TCF7L1: variants seen among roughly 807,000 people sequenced by gnomAD.
TCF7L1 encodes transcription factor 7 like 1.
Under a neutral mutation model 63.7 loss-of-function variants are expected in TCF7L1, and 18 were observed. The ratio of observed to expected loss-of-function variants is 0.28; its 90% CI spans 0.20 to 0.42. The LOEUF is 0.42. TCF7L1 is among the 10% of genes least tolerant of loss of function. TCF7L1 has a pLI of 1.00. For synonymous variants in TCF7L1, 355 were observed against 340.9 expected, an observed-to-expected ratio of 1.04 and a Z score of -0.46; for missense variants, 654 against 779.3, an observed-to-expected ratio of 0.84 and a Z score of 1.91.
intron 3 of TCF7L1, among the ~76,000 whole-genome samples, chr2:85,227,436 C>T (rs1679983650): frequency 6.7e-6 from 1 of 150,100 alleles, no homozygotes; most frequent in Admixed American, 6.6e-5. Context: ...GTAATACCCC[C>T]TCTTTTTTTT....
chr2:85,224,814 T>C (rs1407570457), intron 3 of TCF7L1, among the ~76,000 whole-genome samples: 46 of 147,618 alleles, frequency 3.1e-4, no homozygotes, highest in African/African-American at 6.8e-4. Flanking sequence ...TTGGCTTTTG[T>C]TGCCATTGCT....
chr2:85,153,923 G>A (rs1370429090), intron 3 of TCF7L1, among the ~76,000 whole-genome samples: 1 of 152,164 alleles, frequency 6.6e-6, no homozygotes, highest in Non-Finnish European at 1.5e-5. Flanking sequence ...AGACATTTTA[G>A]GTTAACAAGG....
chr2:85,196,435 G>T (rs943734517), intron 3 of TCF7L1, among the ~76,000 whole-genome samples: 5 of 152,196 alleles, frequency 3.3e-5, no homozygotes, highest in African/African-American at 1.2e-4. Context: ...GTGCTGTGCA[G>T]CAGTGATTCT....
chr2:85,221,391 T>A (rs1679837105), intron 3 of TCF7L1, among the ~76,000 whole-genome samples: 2 of 152,240 alleles, frequency 1.3e-5, no homozygotes, highest in Non-Finnish European at 2.9e-5. Flanking sequence ...CCTGTCTTAG[T>A]TCATTTTGTG....
intron 3 of TCF7L1, among the ~76,000 whole-genome samples, chr2:85,146,725 A>G (rs985989000): frequency 1.3e-5 from 2 of 151,870 alleles, no homozygotes; most frequent in African/African-American, 2.4e-5. Context: ...GATGGTCTTG[A>G]TGTTCTGACC....
intron 3 of TCF7L1, among the ~76,000 whole-genome samples, chr2:85,236,608 T>A (rs1680198248): frequency 6.6e-6 from 1 of 152,092 alleles, no homozygotes; most frequent in South Asian, 2.1e-4. Flanking sequence ...ATAAGGTAAG[T>A]CAGGTAATTT....
At chr2:85,248,377 AAC>A (rs1307132310) in intron 3 of TCF7L1, among the ~76,000 whole-genome samples, 1 of 152,156 alleles carries the variant, frequency 6.6e-6, no homozygotes, top group Non-Finnish European at 1.5e-5. Flanking sequence ...CTGCATTTCT[AAC>A]ACAATTCCAC....
intron 3 of TCF7L1, among the ~76,000 whole-genome samples, chr2:85,207,817 T>TTTTG (rs975066562): frequency 1.3e-5 from 2 of 152,156 alleles, no homozygotes; most frequent in Non-Finnish European, 2.9e-5. Context: ...CGTTAGGTGT[T>TTTTG]TTTGCCCAAC....
chr2:85,265,070 A>G (rs570629224), intron 3 of TCF7L1, among the ~76,000 whole-genome samples: 106 of 152,284 alleles, frequency 7.0e-4, no homozygotes, highest in African/African-American at 2.3e-3. Context: ...AGAACCATGA[A>G]CCTGGCACAC....
chr2:85,208,754 G>A (rs1159596357), intron 3 of TCF7L1, among the ~76,000 whole-genome samples: 2 of 152,140 alleles, frequency 1.3e-5, no homozygotes, highest in African/African-American at 2.4e-5. Flanking sequence ...GTGGGAAAAA[G>A]ATATTTATGG....
At chr2:85,191,324 C>G (rs998100437) in intron 3 of TCF7L1, among the ~76,000 whole-genome samples, 2 of 152,180 alleles carry the variant, frequency 1.3e-5, no homozygotes, top group Non-Finnish European at 2.9e-5. Context: ...GGTTTCAAAC[C>G]CTCTGGTCCC....
intron 3 of TCF7L1, among the ~76,000 whole-genome samples, chr2:85,268,889 A>AG (rs1234619268): frequency 2.6e-5 from 4 of 152,090 alleles, no homozygotes; most frequent in Non-Finnish European, 4.4e-5. Flanking sequence ...ACCGACCTGG[A>AG]GGAACGAGTG....
intron 3 of TCF7L1, among the ~76,000 whole-genome samples, chr2:85,158,209 A>G (rs1678195787): frequency 6.6e-6 from 1 of 151,888 alleles, no homozygotes; most frequent in Non-Finnish European, 1.5e-5. Flanking sequence ...CTAGTCCAGG[A>G]CTCCTGCTCT....
chr2:85,192,454 GT>G (rs1228739304), intron 3 of TCF7L1, among the ~76,000 whole-genome samples: 1 of 151,752 alleles, frequency 6.6e-6, no homozygotes, highest in Non-Finnish European at 1.5e-5. Context: ...GTGGTGTGAT[GT>G]TGGCTCACTG....
At chr2:85,186,966 T>A (rs1482379803) in intron 3 of TCF7L1, among the ~76,000 whole-genome samples, 1 of 152,232 alleles carries the variant, frequency 6.6e-6, no homozygotes, top group African/African-American at 2.4e-5. Flanking sequence ...GTGGATACCA[T>A]GTATAAATGT....
At chr2:85,254,693 T>C (rs529565531) in intron 3 of TCF7L1, among the ~76,000 whole-genome samples, 2 of 152,342 alleles carry the variant, frequency 1.3e-5, no homozygotes, top group South Asian at 2.1e-4. Flanking sequence ...CGTTGGGGGC[T>C]CTATTCTCAC....
chr2:85,289,326 T>C (rs1358159690), intron 4 of TCF7L1, among the ~76,000 whole-genome samples: 1 of 152,060 alleles, frequency 6.6e-6, no homozygotes, highest in Non-Finnish European at 1.5e-5. Context: ...TCTGCTGAGT[T>C]ACAGGCAAAT....
At chr2:85,157,882 A>G (rs1033207971) in intron 3 of TCF7L1, among the ~76,000 whole-genome samples, 36 of 152,018 alleles carry the variant, frequency 2.4e-4, no homozygotes, top group African/African-American at 8.7e-4. Context: ...TTCCCTCCTT[A>G]AGGGAGGTCT....
chr2:85,217,418 G>A (rs1679733969), intron 3 of TCF7L1, among the ~76,000 whole-genome samples: 1 of 152,096 alleles, frequency 6.6e-6, no homozygotes, highest in Non-Finnish European at 1.5e-5. Flanking sequence ...TTCAAATGAG[G>A]GAAGACACAT....
Sources: allele counts gnomAD v4.1 joint callset (sites outside exome capture counted in the v4.1 genomes callset), GRCh38; gene constraint gnomAD v4.1.1; transcripts MANE v1.5; gene names NCBI Gene and HGNC (gene_info 2026-07-23, HGNC 2026-07-21).